OSBPL8: variants seen among roughly 807,000 people sequenced by gnomAD.
OSBPL8 encodes the protein oxysterol binding protein like 8.
A neutral mutation model predicts 125.5 loss-of-function variants in OSBPL8; 59 were observed. The ratio of observed to expected loss-of-function variants is 0.47; its 90% CI spans 0.38 to 0.58. OSBPL8 has a LOEUF of 0.58. Among genes scored for constraint, OSBPL8 ranks in the 20% least tolerant of loss-of-function variants. The probability of loss-of-function intolerance (pLI) is 0.00; values close to 1 mark genes in which losing one functional copy is unlikely to be tolerated. For missense variants in OSBPL8, 758 were observed against 1,047.8 expected, an observed-to-expected ratio of 0.72 and a Z score of 3.82; for synonymous variants, 330 against 338.9, an observed-to-expected ratio of 0.97 and a Z score of 0.29.
intron 8 of OSBPL8, among the ~76,000 whole-genome samples, chr12:76,395,652 C>T (rs201190999): frequency 6.6e-6 from 1 of 152,106 alleles, no homozygotes; most frequent in East Asian, 1.9e-4. Context: ...TCAATCATGG[C>T]TCCATGCTAG....
At chr12:76,415,223 T>C (rs1486623203) in intron 4 of OSBPL8, among the ~76,000 whole-genome samples, 1 of 151,874 alleles carries the variant, frequency 6.6e-6, no homozygotes, top group African/African-American at 2.4e-5. Context: ...TCTAGTTTAA[T>C]TTCTGTTTTT....
chr12:76,356,162 T>TGGGGGGGGGTAGGTGGGGG, intron 23 of OSBPL8, 141 bp from the exon 24 acceptor site: 1 of 131,274 alleles, frequency 7.6e-6, no homozygotes, highest in Non-Finnish European at 1.6e-5. Flanking sequence ...TATGTAGGGG[T>TGGGGGGGGGTAGGTGGGGG]GGGGGGGGGC....
chr12:76,483,512 C>T (rs1162278534), intron 2 of OSBPL8, among the ~76,000 whole-genome samples: 2 of 151,322 alleles, frequency 1.3e-5, no homozygotes, highest in African/African-American at 2.4e-5. Flanking sequence ...TCCAGTGAGC[C>T]GAGACCATGC....
In OSBPL8 at chr12:76,410,050, G is replaced by GAA. The variant is rs35032176; in HGVS notation, c.288+512_288+513dup. Among the ~76,000 whole-genome samples, 4 of 151,600 alleles carry GAA rather than the reference G, an allele frequency of 2.6e-5. No individual in the cohort carries two copies. The South Asian group carries it at 8.3e-4, about 31-fold the overall frequency. On this transcript the variant is annotated intron_variant, in intron 5 of 23. Coordinates refer to ENST00000261183, the MANE Select transcript of OSBPL8 (RefSeq NM_020841.5). ...TTTCTCAAATCTGAATTTTCTTCAA[G>GAA]AAAAAAAATGCTTAACAGGCCTAAG...
chr12:76,462,202 C>G (rs1874826021), intron 2 of OSBPL8, among the ~76,000 whole-genome samples: 1 of 152,198 alleles, frequency 6.6e-6, no homozygotes. Context: ...TTTCATTGTA[C>G]AGTTCTGTTA....
intron 2 of OSBPL8, among the ~76,000 whole-genome samples, chr12:76,481,723 T>C (rs1317063659): frequency 6.6e-6 from 1 of 152,186 alleles, no homozygotes; most frequent in African/African-American, 2.4e-5. Flanking sequence ...ATAATCATAA[T>C]AATGAAGTTA....
At position 76,369,604 on chromosome 12, in the gene OSBPL8, A is replaced by G. The variant is rs778141742; in HGVS notation, c.2240+33T>C. 23 of 1,584,056 alleles carry G rather than the reference A, an allele frequency of 1.5e-5. 1 individual carries two copies. Among genetic ancestry groups the G allele is most frequent in the African/African-American group, 1.1e-4 (8 of 74,134 alleles). On this transcript the variant is annotated intron_variant, in intron 20 of 23. Coordinates refer to ENST00000261183, the MANE Select transcript of OSBPL8 (RefSeq NM_020841.5). ...TAAAGGCAACAAACCATGCTAATAC[A>G]TTGTTTGAAATAAACTATTTTAAGT...
At chr12:76,525,503 A>G (rs1288907593) in intron 1 of OSBPL8, among the ~76,000 whole-genome samples, 1 of 151,636 alleles carries the variant, frequency 6.6e-6, no homozygotes, top group Non-Finnish European at 1.5e-5. Context: ...AGCAATATTC[A>G]TTATGCATAA....
rs537690036 is a variant in OSBPL8 at position 76,362,295 on chromosome 12, C to T, written c.2329-3484G>A. 4.3e-4 allele frequency among the ~76,000 whole-genome samples: 28 copies of T among 64,922 alleles called. 1 individual carries two copies. The East Asian group carries it at 0.014, about 32-fold the overall frequency. The allele number at this position is 64,922 out of a possible 152,430, so 42.6% of individuals were successfully genotyped here. ...GATGCAAAAATCCTCAATAAAATAC[C>T]GTCAAACCGAATCCAGCACATCAAA... On this transcript the variant is annotated intron_variant, in intron 21 of 23. Coordinates refer to ENST00000261183, the MANE Select transcript of OSBPL8 (RefSeq NM_020841.5).
intron 3 of OSBPL8, among the ~76,000 whole-genome samples, chr12:76,458,533 T>C (rs568236656): frequency 6.6e-6 from 1 of 151,688 alleles, no homozygotes; most frequent in Admixed American, 6.6e-5. Flanking sequence ...TTACAAAAAA[T>C]TTCAAAAATT....
chr12:76,468,735 CAAAT>C (rs905477352), intron 2 of OSBPL8, among the ~76,000 whole-genome samples: 14 of 152,156 alleles, frequency 9.2e-5, no homozygotes, highest in African/African-American at 1.7e-4. Flanking sequence ...TCTTGCCATA[CAAAT>C]AAATAAATAA....
At chr12:76,425,833 T>C (rs1402959893) in intron 4 of OSBPL8, among the ~76,000 whole-genome samples, 2 of 152,198 alleles carry the variant, frequency 1.3e-5, no homozygotes, top group African/African-American at 4.8e-5. Flanking sequence ...ATCCAGTAAT[T>C]AAACCACAAG....
chr12:76,552,110 G>T (rs17042354), intron 1 of OSBPL8, among the ~76,000 whole-genome samples: 7,015 of 152,066 alleles, frequency 0.046, 581 homozygotes, highest in African/African-American at 0.16. Flanking sequence ...ACAACAAATT[G>T]ATTTCTATTC....
chr12:76,556,838 G>A (rs1448097829), intron 1 of OSBPL8, among the ~76,000 whole-genome samples: 1 of 152,074 alleles, frequency 6.6e-6, no homozygotes, highest in Non-Finnish European at 1.5e-5. Context: ...TAATTTTTTT[G>A]TATTTTTAGT....
At chr12:76,447,425 G>A (rs1029751001) in intron 4 of OSBPL8, among the ~76,000 whole-genome samples, 9 of 152,130 alleles carry the variant, frequency 5.9e-5, no homozygotes, top group African/African-American at 2.2e-4. Flanking sequence ...TCGAGCCTTT[G>A]CATTTAACTT....
At chr12:76,522,945 T>C (rs537182423) in intron 1 of OSBPL8, among the ~76,000 whole-genome samples, 1 of 152,290 alleles carries the variant, frequency 6.6e-6, no homozygotes, top group African/African-American at 2.4e-5. Context: ...TCAAGTGATC[T>C]TCCTACCTCA....
intron 4 of OSBPL8, among the ~76,000 whole-genome samples, chr12:76,426,267 T>C (rs1015745182): frequency 1.3e-5 from 2 of 152,332 alleles, no homozygotes; most frequent in South Asian, 2.1e-4. Flanking sequence ...TCTGTATTTC[T>C]GAGTTCTGTC....
At chr12:76,514,504 C>T (rs112742102) in intron 1 of OSBPL8, among the ~76,000 whole-genome samples, 26,719 of 152,058 alleles carry the variant, frequency 0.18, 2,505 homozygotes, top group Middle Eastern at 0.24. Flanking sequence ...TCCTCAATCT[C>T]TTCTGGCTTG....
chr12:76,524,189 G>T (rs927570445), intron 1 of OSBPL8, among the ~76,000 whole-genome samples: 1 of 151,974 alleles, frequency 6.6e-6, no homozygotes, highest in Non-Finnish European at 1.5e-5. Flanking sequence ...ATAAGATATA[G>T]GAATAAAAAT....
Sources: gnomAD v4.1 joint callset for allele counts (sites outside exome capture counted in the v4.1 genomes callset) on GRCh38, gnomAD v4.1.1 for gene constraint, MANE v1.5 for transcripts, NCBI Gene and HGNC (gene_info 2026-07-23, HGNC 2026-07-21) for gene names.